Variants in DCHS1 observed in about 807,000 individuals in gnomAD.
DCHS1 encodes dachsous cadherin-related 1.
In DCHS1, 78 loss-of-function variants were observed where a neutral mutation model predicts 213.9. The ratio of observed to expected loss-of-function variants is 0.36; its 90% CI spans 0.30 to 0.44. The LOEUF (loss-of-function observed/expected upper bound fraction) is 0.44. Among genes scored for constraint, DCHS1 ranks in the 20% least tolerant of loss-of-function variants. The probability of loss-of-function intolerance (pLI) is 1.00; values close to 1 mark genes in which losing one functional copy is unlikely to be tolerated. For synonymous variants in DCHS1, 1,828 were observed against 1,873.7 expected, an observed-to-expected ratio of 0.98 and a Z score of 0.63; for missense variants, 3,946 against 4,395.9, an observed-to-expected ratio of 0.90 and a Z score of 2.89.
At position 6,625,753 on chromosome 11, in the gene DCHS1, T is replaced by G. The variant is rs990614504; in HGVS notation, c.6732-26A>C. The G allele has an allele frequency of 1.3e-6, 2 of 1,598,434 alleles. No individual in the cohort carries two copies. The highest frequency in any genetic ancestry group is 1.1e-5 in the South Asian group (1 of 89,752). On this transcript the variant is annotated intron_variant, in intron 17 of 20. Transcript: ENST00000299441. The surrounding 1 kb of genome is among the most constrained non-coding windows in gnomAD (Gnocchi z 5.3). ...CTGGACACAAAGCACAATCATCGGG[T>G]GGGACATGGCAATAAGGGGGAACTC...
rs1439768311 is a variant in DCHS1, at chr11:6,630,134, G to A, written c.4660C>T (p.Leu1554Phe). Residue 1554 changes from leucine (L) to phenylalanine (F), a missense_variant, in exon 10 of 21, where the codon CTC becomes TTC. Physicochemically the swap from Leu to Phe is conservative, Grantham distance 22. Transcript: ENST00000299441. ...PVFASPSRVR[L>F]PEDQPPGPAA... is the part of the protein sequence containing the mutation. ...GGCCCAGGCGGCTGGTCCTCTGGGAGGCGCACGCGTGACGGCGAGGCGAAG... is the reference window on the plus strand; with the variant it reads ...GGCCCAGGCGGCTGGTCCTCTGGGAAGCGCACGCGTGACGGCGAGGCGAAG... The A allele has an allele frequency of 1.2e-6, 2 of 1,605,236 alleles. No homozygotes were observed. The highest frequency in any genetic ancestry group is 2.7e-5 in the African/African-American group (2 of 74,676).
In DCHS1 at chr11:6,630,223, C is replaced by T. The variant is rs1263520967; in HGVS notation, c.4571G>A (p.Arg1524His). The T allele has an allele frequency of 1.8e-5, 28 of 1,561,100 alleles. 1 individual carries two copies. The highest frequency in any genetic ancestry group is 2.3e-5 in the Non-Finnish European group (27 of 1,155,740). ...CGCTGAAACGCGCGCTGCACGACGGCGGCTGGCGTTGGCGGGCCGGTCGGT... is the reference window on the plus strand; with the variant it reads ...CGCTGAAACGCGCGCTGCACGACGGTGGCTGGCGTTGGCGGGCCGGTCGGT... ...EATDRPANAS[R>H]RRAARVSARV... Residue 1524 changes from arginine to histidine, a missense_variant, in exon 10 of 21, where the codon CGC (arginine) becomes CAC (histidine). Around this residue, in one of 3 missense-constraint regions of DCHS1, gnomAD observed 3,384 missense variants for 3,780.1 expected, o/e 0.90. Transcript: ENST00000299441.
At chr11:6,635,248 G>C (rs894980411) in intron 2 of DCHS1, 1 of 152,170 alleles carries the variant, frequency 6.6e-6, no homozygotes, top group South Asian at 2.1e-4. Context: ...CTCATGCATC[G>C]TTAGCCTAGT....
rs1384292842 is a variant in DCHS1 at position 6,630,617 on chromosome 11, G to C, written c.4177C>G (p.Pro1393Ala). ...GGCGGGCCAGCTTCGAAGTCCAGGG[G>C]CCGCGCCAGGTACAAGCGCCCTGAG... ...AASGRLYLAR[P>A]LDFEAGPPWR... The change falls in exon 10 of 21, where the codon CCC becomes GCC. Residue 1393 changes from proline to alanine, a missense_variant. By Grantham distance (27) the Pro-to-Ala change is conservative (BLOSUM62 -1). Coordinates refer to ENST00000299441, the MANE Select transcript of DCHS1 (RefSeq NM_003737.4). 6.5e-7 allele frequency: 1 copy of C among 1,540,966 alleles called. No homozygotes were observed. Among genetic ancestry groups the C allele is most frequent in the South Asian group, 1.2e-5 (1 of 84,288 alleles).
intron 1 of DCHS1, among the ~76,000 whole-genome samples, chr11:6,647,168 C>A (rs1354439976): frequency 6.6e-6 from 1 of 151,916 alleles, no homozygotes; most frequent in East Asian, 1.9e-4. Flanking sequence ...GGATACAGGG[C>A]CAGGCATAAA....
Position 6,641,341 on chromosome 11 carries a change from G to A in DCHS1, c.273C>T (p.Asp91=). Residue 91 remains aspartate, a synonymous_variant, in exon 2 of 21, where the codon GAC becomes GAT. Transcript: ENST00000299441. This position sits in a 1 kb window ranked among gnomAD's most constrained non-coding sequence, Gnocchi z 7.1. ...SAQEGSGVGT[D]LAIDEHSGVV... is the part of the protein sequence containing the mutation. Reference sequence around the variant, plus strand: ...CCCCACTGTGTTCGTCAATGGCCAGGTCTGTGCCCACGCCGCTGCCCTCTT... The same window carrying A: ...CCCCACTGTGTTCGTCAATGGCCAGATCTGTGCCCACGCCGCTGCCCTCTT... 3 of 1,613,636 alleles carry A rather than the reference G, an allele frequency of 1.9e-6. No homozygotes were observed. Among genetic ancestry groups the A allele is most frequent in the Non-Finnish European group, 2.5e-6 (3 of 1,179,888 alleles).
In DCHS1 at chr11:6,640,412, A is replaced by G. The variant is rs1163694669; in HGVS notation, c.1202T>C (p.Val401Ala). 6.2e-7 allele frequency: 1 copy of G among 1,613,958 alleles called. No individual in the cohort carries two copies. The highest frequency in any genetic ancestry group is 8.5e-7 in the Non-Finnish European group (1 of 1,179,890). ...SDPDDGDFAH[V>A]NVSLEGGEGH... ...CTCTCCACCTTCCAGGGACACATTG[A>G]CATGGGCAAAGTCACCATCATCTGG... The change falls in exon 2 of 21, where the codon GTC becomes GCC. Residue 401 changes from valine to alanine, a missense_variant. By Grantham distance (64) the Val-to-Ala change is moderately conservative. Coordinates refer to ENST00000299441, the MANE Select transcript of DCHS1 (RefSeq NM_003737.4). This position sits in a 1 kb window ranked among gnomAD's most constrained non-coding sequence, Gnocchi z 6.5.
At position 6,641,313 on chromosome 11, in the gene DCHS1, C is replaced by T. The variant is rs746752715; in HGVS notation, c.301G>A (p.Val101Ile). ...CGGTCCAAGACACGGGCTGTACGGA[C>T]GACCCCACTGTGTTCGTCAATGGCC... ...DLAIDEHSGV[V>I]RTARVLDREQ... is the part of the protein sequence containing the mutation. Residue 101 changes from valine (V) to isoleucine (I), a missense_variant, in exon 2 of 21, where the codon GTC becomes ATC. Val to Ile is a conservative substitution (Grantham distance 29). This residue lies in a region of DCHS1 where 3,384 missense variants were observed against 3,780.1 expected (regional missense o/e 0.90). Coordinates refer to ENST00000299441, the MANE Select transcript of DCHS1 (RefSeq NM_003737.4). The surrounding 1 kb of genome is among the most constrained non-coding windows in gnomAD (Gnocchi z 7.1). 25 of 1,613,552 alleles carry T rather than the reference C, an allele frequency of 1.5e-5. No homozygotes were observed. Among genetic ancestry groups the T allele is most frequent in the South Asian group, 2.2e-5 (2 of 91,094 alleles).
At chr11:6,637,831 T>C (rs1417148290) in intron 2 of DCHS1, among the ~76,000 whole-genome samples, 3 of 152,116 alleles carry the variant, frequency 2.0e-5, no homozygotes, top group African/African-American at 7.2e-5. Context: ...GAGTGACGCA[T>C]TCATGACTGT....
intron 1 of DCHS1, among the ~76,000 whole-genome samples, chr11:6,645,316 A>AGCCC (rs1856139948): frequency 3.9e-5 from 6 of 152,142 alleles, no homozygotes; most frequent in Non-Finnish European, 5.9e-5. Flanking sequence ...GAGTACAAGG[A>AGCCC]TGGTTCCAGG....
intron 9 of DCHS1, 95 bp from the exon 10 acceptor site, chr11:6,630,958 A>G: frequency 2.0e-6 from 3 of 1,517,370 alleles, no homozygotes; most frequent in Non-Finnish European, 2.6e-6. Flanking sequence ...TGGTCAGAGT[A>G]GCCTGACTGC....
chr11:6,641,843 T>C lies in DCHS1; in HGVS notation c.-120-110A>G. On this transcript the variant is annotated intron_variant, in intron 1 of 20. Coordinates refer to ENST00000299441, the MANE Select transcript of DCHS1 (RefSeq NM_003737.4). The surrounding 1 kb of genome is among the most constrained non-coding windows in gnomAD (Gnocchi z 7.1). Reference sequence around the variant, plus strand: ...GATATGCTCAGCCCCCAGCAGGCCCTTGTGCTGCCTCACACTCATCTTGGG... The same window carrying C: ...GATATGCTCAGCCCCCAGCAGGCCCCTGTGCTGCCTCACACTCATCTTGGG... 1.0e-6 allele frequency: 1 copy of C among 956,368 alleles called. No homozygotes were observed. The highest frequency in any genetic ancestry group is 1.5e-6 in the Non-Finnish European group (1 of 672,508). 59.2% of individuals were successfully genotyped at this position (956,368 alleles called of 1,614,324 possible). A position where few individuals can be genotyped will look rare whatever the true frequency, so the allele number is the denominator to read the frequency against.
At chr11:6,638,623 A>G (rs1015925313) in intron 2 of DCHS1, among the ~76,000 whole-genome samples, 5 of 152,144 alleles carry the variant, frequency 3.3e-5, no homozygotes, top group African/African-American at 9.7e-5. Flanking sequence ...GGGCTTCCAC[A>G]GCACTCATAC....
At chr11:6,644,237 A>G (rs1238536662) in intron 1 of DCHS1, among the ~76,000 whole-genome samples, 1 of 152,236 alleles carries the variant, frequency 6.6e-6, no homozygotes, top group African/African-American at 2.4e-5. Flanking sequence ...ACTTATGTCT[A>G]TAGCATCAAG....
intron 1 of DCHS1, among the ~76,000 whole-genome samples, chr11:6,643,902 G>C (rs977293780): frequency 2.0e-5 from 3 of 152,166 alleles, no homozygotes; most frequent in African/African-American, 7.2e-5. Flanking sequence ...TAGCAATCCA[G>C]AAGCTCTCCT....
Position 6,628,511 on chromosome 11 carries a change from CAA to C in DCHS1, c.5371+108_5371+109del. 8.1e-7 allele frequency: 1 copy of C among 1,241,132 alleles called. No homozygotes were observed. The highest frequency in any genetic ancestry group is 1.2e-6 in the Non-Finnish European group (1 of 860,220). The allele number at this position is 1,241,132 out of a possible 1,614,324, so 76.9% of individuals were successfully genotyped here. On this transcript the variant is annotated intron_variant, in intron 13 of 20. Coordinates refer to ENST00000299441, the MANE Select transcript of DCHS1 (RefSeq NM_003737.4). The surrounding 1 kb of genome is among the most constrained non-coding windows in gnomAD (Gnocchi z 4.3). ...GCATGAAAGAAAAGGTGGACGACAT[CAA>C]GAGGGAAAAGGAGACCCAGACACAT...
chr11:6,651,498 A>G lies in DCHS1; in HGVS notation c.-121+4065T>C, dbSNP rs1856241934. On this transcript the variant is annotated intron_variant, in intron 1 of 20. Coordinates refer to ENST00000299441, the MANE Select transcript of DCHS1 (RefSeq NM_003737.4). The stretch of plus-strand genomic sequence containing the variant: ...AAAAGATTTTGTTCAAGGAAAATGG[A>G]AGGCATTTGAATAATGCTGAGCAGG... Among the ~76,000 whole-genome samples the G allele has an allele frequency of 6.6e-5, 10 of 152,354 alleles. No homozygotes were observed. In the South Asian group the frequency reaches 2.1e-3, roughly 32 times the overall value.
In DCHS1 at chr11:6,629,895, C is replaced by T. The variant is rs1855872240; in HGVS notation, c.4812G>A (p.Val1604=). The T allele has an allele frequency of 6.2e-7, 1 of 1,612,358 alleles. No homozygotes were observed. The highest frequency in any genetic ancestry group is 1.3e-5 in the African/African-American group (1 of 74,926). The change falls in exon 11 of 21, where the codon GTG becomes GTA. Residue 1604 remains valine (V), a synonymous_variant. Coordinates refer to ENST00000299441, the MANE Select transcript of DCHS1 (RefSeq NM_003737.4). ...LHSSTGALSV[V]RPLDREQRAE... is the part of the protein sequence containing the mutation. ...CTCGTTGTTCGCGGTCCAACGGCCG[C>T]ACCACGGACAGCGCTCCTAGGTGAG...
chr11:6,633,112 GGACCCAGAGTCT>G, intron 5 of DCHS1, 56 bp from the exon 6 acceptor site: 1 of 1,543,598 alleles, frequency 6.5e-7, no homozygotes. Flanking sequence ...TATTGAGTCA[GGACCCAGAGTCT>G]GATCCCGAGA....
Sources: gnomAD v4.1 joint callset for allele counts (sites outside exome capture counted in the v4.1 genomes callset) on GRCh38, gnomAD v4.1.1 for gene constraint, gnomAD v4.1.1 regional missense constraint, Gnocchi (gnomAD v3.1) non-coding constraint, MANE v1.5 for transcripts, NCBI Gene and HGNC (gene_info 2026-07-23, HGNC 2026-07-21) for gene names.